GPR173: variants seen among roughly 807,000 people sequenced by gnomAD.
GPR173 encodes the protein G protein-coupled receptor 173, also known as probable G protein-coupled receptor 173.
GPR173 carries 2 observed loss-of-function variants against 13.9 expected under a neutral mutation model. That is an observed-to-expected ratio of 0.14 (90% CI 0.06 to 0.45). The LOEUF is 0.45. GPR173 is among the 20% of genes least tolerant of loss of function. GPR173 has a pLI of 0.98. For missense variants in GPR173, 202 were observed against 340.5 expected, an observed-to-expected ratio of 0.59 and a Z score of 3.20; for synonymous variants, 131 against 141.0, an observed-to-expected ratio of 0.93 and a Z score of 0.50.
intron 1 of GPR173, among the ~76,000 whole-genome samples, chrX:53,051,937 G>A (rs1931963347): frequency 9.0e-6 from 1 of 111,043 alleles, no homozygotes. Context: ...ATATGTGTGT[G>A]TGTATATATG....
Position 53,077,831 on chromosome X carries a change from A to C in GPR173, c.*88A>C, listed in dbSNP as rs1326773636. 32 of 767,335 alleles carry C rather than the reference A, an allele frequency of 4.2e-5. No individual in the cohort carries two copies. Among genetic ancestry groups the C allele is most frequent in the Non-Finnish European group, 6.1e-5 (32 of 527,532 alleles). The allele number at this position is 767,335 out of a possible 1,213,427, so 63.2% of individuals were successfully genotyped here. ...AGGGAGGGGTAGGGGCCCATACAGGAGTCCTCCTTTCTGAGCTCCAGCCCC... is the reference window on the plus strand; with the variant it reads ...AGGGAGGGGTAGGGGCCCATACAGGCGTCCTCCTTTCTGAGCTCCAGCCCC... On this transcript the variant is annotated 3_prime_UTR_variant, in exon 2 of 2. Transcript: ENST00000332582.
chrX:53,058,186 T>A (rs782288221), intron 1 of GPR173, among the ~76,000 whole-genome samples: 11 of 112,184 alleles, frequency 9.8e-5, no homozygotes, highest in Non-Finnish European at 1.7e-4. Flanking sequence ...TGAGTGCACA[T>A]GCCTGTATCT....
chrX:53,075,057 G>A (rs911885262), intron 1 of GPR173, among the ~76,000 whole-genome samples: 6 of 102,696 alleles, frequency 5.8e-5, no homozygotes, highest in Admixed American at 1.2e-4. Context: ...AAAAGTTCTC[G>A]CCACGGCCTC....
At position 53,077,596 on chromosome X, in the gene GPR173, T is replaced by C; in HGVS notation, c.975T>C (p.Ala325=). The C allele has an allele frequency of 8.3e-7, 1 of 1,211,916 alleles. No individual in the cohort carries two copies. Among genetic ancestry groups the C allele is most frequent in the African/African-American group, 1.7e-5 (1 of 58,018 alleles). ...TGCCCCACCGCTACCTGGCCACTGC[T>C]GTTTGGATGAGCTTCGCCCAGGCTG... ...CAVPHRYLAT[A]VWMSFAQAAV... The change falls in exon 2 of 2, where the codon GCT becomes GCC. Residue 325 remains alanine (A), a synonymous_variant. Transcript: ENST00000332582.
chrX:53,073,974 T>A (rs1370509677), intron 1 of GPR173, among the ~76,000 whole-genome samples: 1 of 31,679 alleles, frequency 3.2e-5, no homozygotes. Context: ...AATATATATT[T>A]ATATTTATAT....
intron 1 of GPR173, among the ~76,000 whole-genome samples, chrX:53,050,662 A>T (rs1556802577): frequency 8.9e-6 from 1 of 112,122 alleles, no homozygotes; most frequent in Non-Finnish European, 1.9e-5. Flanking sequence ...CAAAGCTCAC[A>T]GTCAATATTG....
At position 53,078,146 on chromosome X, in the gene GPR173, G is replaced by A. The variant is rs782658384; in HGVS notation, c.*403G>A. Reference sequence around the variant, plus strand: ...TTCTTACTTTAATGTCTCTCCTTCTGACACTGTCCAGAAGGGGGAATTTGT... The same window carrying A: ...TTCTTACTTTAATGTCTCTCCTTCTAACACTGTCCAGAAGGGGGAATTTGT... On this transcript the variant is annotated 3_prime_UTR_variant, in exon 2 of 2. Coordinates refer to ENST00000332582, the MANE Select transcript of GPR173 (RefSeq NM_018969.6). The A allele has an allele frequency of 5.8e-6, 1 of 173,436 alleles. No individual in the cohort carries two copies. The highest frequency in any genetic ancestry group is 1.2e-5 in the Non-Finnish European group (1 of 85,688). 14.3% of individuals were successfully genotyped at this position (173,436 alleles called of 1,213,427 possible).
intron 1 of GPR173, among the ~76,000 whole-genome samples, chrX:53,064,793 C>T (rs1038899158): frequency 5.4e-5 from 6 of 111,149 alleles, no homozygotes; most frequent in African/African-American, 2.0e-4. Context: ...CAACCCACTC[C>T]TGTGATAACA....
intron 1 of GPR173, among the ~76,000 whole-genome samples, chrX:53,050,693 A>G (rs141928980): frequency 1.8e-5 from 2 of 112,234 alleles, no homozygotes; most frequent in African/African-American, 6.5e-5. Flanking sequence ...TTCATGATTA[A>G]TAGTGTTATC....
At chrX:53,071,558 G>A (rs1029329391) in intron 1 of GPR173, among the ~76,000 whole-genome samples, 24 of 112,207 alleles carry the variant, frequency 2.1e-4, no homozygotes, top group Admixed American at 4.7e-4. Context: ...AAGTCCTAGA[G>A]GATGCGGGAC....
rs782607778 is a variant in GPR173 at position 53,077,775 on chromosome X, G to A, written c.*32G>A. On this transcript the variant is annotated 3_prime_UTR_variant, in exon 2 of 2. Transcript: ENST00000332582. ...CTGGTAGGCAGACAGGCAGAGAGAA[G>A]GTCATGGCCACCGTGATGGGGCCAA... 4 of 1,146,231 alleles carry A rather than the reference G, an allele frequency of 3.5e-6. No individual in the cohort carries two copies. The highest frequency in any genetic ancestry group is 3.6e-6 in the Non-Finnish European group (3 of 843,557). The allele number at this position is 1,146,231 out of a possible 1,213,427, so 94.5% of individuals were successfully genotyped here.
intron 1 of GPR173, among the ~76,000 whole-genome samples, chrX:53,054,473 C>T (rs1472030096): frequency 1.9e-5 from 2 of 107,369 alleles, no homozygotes; most frequent in Admixed American, 2.0e-4. Context: ...CACTGCACTC[C>T]AGCCTGGGCG....
At chrX:53,054,672 G>A (rs1212470268) in intron 1 of GPR173, among the ~76,000 whole-genome samples, 1 of 108,721 alleles carries the variant, frequency 9.2e-6, no homozygotes, top group Admixed American at 1.0e-4. Context: ...TGGGGATATG[G>A]GTGAGGATGT....
At chrX:53,075,297 G>A (rs1236529910) in intron 1 of GPR173, among the ~76,000 whole-genome samples, 5 of 106,710 alleles carry the variant, frequency 4.7e-5, no homozygotes, top group African/African-American at 6.8e-5. Context: ...CACTTCCTCC[G>A]TGAAGCCTCC....
chrX:53,060,180 G>C (rs1162266396), intron 1 of GPR173, among the ~76,000 whole-genome samples: 1 of 108,897 alleles, frequency 9.2e-6, no homozygotes, highest in Non-Finnish European at 1.9e-5. Context: ...ACACAGCCTT[G>C]CTCTTGTCGC....
chrX:53,069,577 A>G (rs1932231460), intron 1 of GPR173, among the ~76,000 whole-genome samples: 1 of 112,293 alleles, frequency 8.9e-6, no homozygotes, highest in Admixed American at 9.5e-5. Flanking sequence ...CCAGCGGTAT[A>G]CCTGTTGCAG....
chrX:53,077,347 T>C lies in GPR173; in HGVS notation c.726T>C (p.Ala242=), dbSNP rs782806819. 8.3e-7 allele frequency: 1 copy of C among 1,198,491 alleles called. No homozygotes were observed. The highest frequency in any genetic ancestry group is 1.8e-5 in the South Asian group (1 of 55,291). ...GTCCCGGGGCCACCGGCCAGGCTGCTGCCAACTGGATCGCCGGCTTTGGCC... is the reference window on the plus strand; with the variant it reads ...GTCCCGGGGCCACCGGCCAGGCTGCCGCCAACTGGATCGCCGGCTTTGGCC... ...FHGPGATGQA[A]ANWIAGFGRG... is the part of the protein sequence containing the mutation. The change falls in exon 2 of 2, where the codon GCT becomes GCC. Residue 242 remains alanine (A), a synonymous_variant. Coordinates refer to ENST00000332582, the MANE Select transcript of GPR173 (RefSeq NM_018969.6).
chrX:53,057,717 G>T (rs1354847926), intron 1 of GPR173, among the ~76,000 whole-genome samples: 3 of 111,144 alleles, frequency 2.7e-5, no homozygotes, highest in African/African-American at 9.8e-5. Flanking sequence ...TCGTGCCATT[G>T]CACTCCAGCC....
intron 1 of GPR173, among the ~76,000 whole-genome samples, chrX:53,074,695 A>G (rs1456194107): frequency 3.5e-5 from 3 of 84,829 alleles, no homozygotes; most frequent in African/African-American, 1.6e-4. Context: ...TTATAAATAA[A>G]TATATAAATA....
Sources: gnomAD v4.1 joint callset for allele counts (sites outside exome capture counted in the v4.1 genomes callset) on GRCh38, gnomAD v4.1.1 for gene constraint, MANE v1.5 for transcripts, NCBI Gene and HGNC (gene_info 2026-07-23, HGNC 2026-07-21) for gene names.